The following AMPH variants were observed in gnomAD, a reference collection of about 807,000 sequenced individuals.
AMPH encodes amphiphysin (Stiff-Mann syndrome with breast cancer 128kD autoantigen).
In AMPH, 49 loss-of-function variants were observed where a neutral mutation model predicts 99.1. That is an observed-to-expected ratio of 0.49 (90% CI 0.39 to 0.63). The LOEUF is 0.63. AMPH is among the 20% of genes least tolerant of loss of function. The probability of loss-of-function intolerance (pLI) is 0.00; values close to 1 mark genes in which losing one functional copy is unlikely to be tolerated. For synonymous variants in AMPH, 314 were observed against 317.3 expected (o/e 0.99, Z 0.11); for missense variants, 759 against 863.4 (o/e 0.88, Z 1.52).
chr7:38,596,233 T>A (rs187260915), intron 1 of AMPH, among the ~76,000 whole-genome samples: 1 of 152,316 alleles, frequency 6.6e-6, no homozygotes, highest in East Asian at 1.9e-4. Flanking sequence ...CAGGAGTTAT[T>A]ACTTGCCCTG....
chr7:38,473,897 A>AGTTGTAT (rs1391827288), intron 7 of AMPH, among the ~76,000 whole-genome samples: 1 of 152,072 alleles, frequency 6.6e-6, no homozygotes, highest in Non-Finnish European at 1.5e-5. Context: ...TATCCCTAAA[A>AGTTGTAT]GTTGTATATA....
chr7:38,590,517 G>A (rs1792816858), intron 1 of AMPH, among the ~76,000 whole-genome samples: 1 of 152,192 alleles, frequency 6.6e-6, no homozygotes, highest in Admixed American at 6.5e-5. Flanking sequence ...GGGACCCAAA[G>A]GGGGTTGCCC....
intron 7 of AMPH, among the ~76,000 whole-genome samples, chr7:38,472,696 T>A (rs1787929634): frequency 6.6e-6 from 1 of 152,200 alleles, no homozygotes; most frequent in South Asian, 2.1e-4. Context: ...AAGTCAGGTT[T>A]TGATCGAAAG....
At chr7:38,613,279 C>T (rs1282083849) in intron 1 of AMPH, among the ~76,000 whole-genome samples, 5 of 151,866 alleles carry the variant, frequency 3.3e-5, no homozygotes, top group Non-Finnish European at 5.9e-5. Context: ...CTTTCTAAAA[C>T]GTCTTGGCCA....
chr7:38,603,968 G>T (rs1156539204), intron 1 of AMPH, among the ~76,000 whole-genome samples: 1 of 152,240 alleles, frequency 6.6e-6, no homozygotes, highest in Non-Finnish European at 1.5e-5. Context: ...TCTCTTCAGT[G>T]AATGCAGGGT....
At chr7:38,570,529 A>G (rs1229710895) in intron 1 of AMPH, among the ~76,000 whole-genome samples, 1 of 152,172 alleles carries the variant, frequency 6.6e-6, no homozygotes, top group African/African-American at 2.4e-5. Context: ...GGCACAATGC[A>G]TTACCCACGT....
chr7:38,407,074 ATATGTGTGTG>A (rs1286668612), intron 17 of AMPH, among the ~76,000 whole-genome samples: 2 of 32,274 alleles, frequency 6.2e-5, no homozygotes, highest in Non-Finnish European at 1.2e-4. Flanking sequence ...ATATATATAT[ATATGTGTGTG>A]TGTGTGTGTG....
intron 3 of AMPH, among the ~76,000 whole-genome samples, chr7:38,499,145 G>A (rs546321228): frequency 1.3e-5 from 2 of 152,146 alleles, no homozygotes; most frequent in East Asian, 1.9e-4. Context: ...CTCAATGCAC[G>A]TATCTATTAA....
intron 1 of AMPH, among the ~76,000 whole-genome samples, chr7:38,567,305 C>T (rs1010767111): frequency 9.2e-5 from 14 of 152,080 alleles, no homozygotes; most frequent in East Asian, 3.9e-4. Flanking sequence ...AACCAAACAC[C>T]GCATGTTCTC....
intron 13 of AMPH, among the ~76,000 whole-genome samples, chr7:38,431,299 C>A (rs1786009931): frequency 6.6e-6 from 1 of 152,184 alleles, no homozygotes; most frequent in Non-Finnish European, 1.5e-5. Context: ...CTCACACAAC[C>A]TTCCGAGGTA....
intron 2 of AMPH, among the ~76,000 whole-genome samples, chr7:38,526,495 C>T (rs529891674): frequency 2.2e-4 from 25 of 114,528 alleles, no homozygotes; most frequent in African/African-American, 3.4e-5. Context: ...AGGTTGGTTT[C>T]GAACTCCTGA....
rs1025195489 is a variant in AMPH, at chr7:38,422,619, CTCTA to C, written c.1216-146_1216-143del. On this transcript the variant is annotated intron_variant, in intron 15 of 20. Coordinates refer to ENST00000356264, the MANE Select transcript of AMPH (RefSeq NM_001635.4). ...CTATCTATCCATCTATCTATCGACA[CTCTA>C]TCTATCTAATTTTTTTTTGAGAAAG... The C allele has an allele frequency of 2.0e-4, 133 of 649,874 alleles. 1 individual carries two copies. The highest frequency in any genetic ancestry group is 1.1e-3 in the South Asian group (55 of 51,534). The allele number at this position is 649,874 out of a possible 1,614,324, so 40.3% of individuals were successfully genotyped here. A position where few individuals can be genotyped will look rare whatever the true frequency, so the allele number is the denominator to read the frequency against.
At chr7:38,410,991 T>C (rs991417165) in intron 17 of AMPH, among the ~76,000 whole-genome samples, 2 of 152,244 alleles carry the variant, frequency 1.3e-5, no homozygotes, top group Non-Finnish European at 2.9e-5. Context: ...TTAGATGTGA[T>C]ATGAGACGTG....
chr7:38,401,370 G>C (rs1158965035), intron 17 of AMPH, among the ~76,000 whole-genome samples: 1 of 152,116 alleles, frequency 6.6e-6, no homozygotes, highest in Non-Finnish European at 1.5e-5. Flanking sequence ...CCACCACCTA[G>C]GATCCTCAAT....
At chr7:38,507,834 G>A (rs1789387730) in intron 2 of AMPH, among the ~76,000 whole-genome samples, 1 of 152,118 alleles carries the variant, frequency 6.6e-6, no homozygotes, top group African/African-American at 2.4e-5. Context: ...GGAGGGCAGG[G>A]GAGTCTATTA....
chr7:38,581,688 C>A (rs1330386591), intron 1 of AMPH, among the ~76,000 whole-genome samples: 1 of 152,128 alleles, frequency 6.6e-6, no homozygotes, highest in Non-Finnish European at 1.5e-5. Context: ...TCTGCAGTAA[C>A]TCAGGCAGGA....
chr7:38,509,783 C>G (rs1789469852), intron 2 of AMPH, among the ~76,000 whole-genome samples: 2 of 152,154 alleles, frequency 1.3e-5, no homozygotes, highest in African/African-American at 4.8e-5. Flanking sequence ...GCACGGAGAG[C>G]TGACCCAAAA....
intron 1 of AMPH, among the ~76,000 whole-genome samples, chr7:38,570,528 C>T (rs988842550): frequency 6.6e-6 from 1 of 152,110 alleles, no homozygotes; most frequent in African/African-American, 2.4e-5. Flanking sequence ...TGGCACAATG[C>T]ATTACCCACG....
At chr7:38,561,416 C>CACTGTT (rs1296088685) in intron 1 of AMPH, among the ~76,000 whole-genome samples, 2 of 152,222 alleles carry the variant, frequency 1.3e-5, no homozygotes, top group Admixed American at 6.5e-5. Flanking sequence ...ATGCATCAGT[C>CACTGTT]ACTGACTCAG....
Sources: allele counts gnomAD v4.1 joint callset (sites outside exome capture counted in the v4.1 genomes callset), GRCh38; gene constraint gnomAD v4.1.1; transcripts MANE v1.5; gene names NCBI Gene and HGNC (gene_info 2026-07-23, HGNC 2026-07-21).